The following GRB2 variants were observed in gnomAD, a reference collection of about 807,000 sequenced individuals.
GRB2 encodes the protein growth factor receptor bound protein 2.
Under a neutral mutation model 27.4 loss-of-function variants are expected in GRB2, and 2 were observed. The observed-to-expected ratio is 0.07, with a 90% CI of 0.03 to 0.23. GRB2 has a LOEUF of 0.23. Ranked by LOEUF, GRB2 falls within the 10% of genes least tolerant of loss-of-function variation. The pLI is 1.00. For missense variants in GRB2, 102 were observed against 282.4 expected, an observed-to-expected ratio of 0.36 and a Z score of 4.58; for synonymous variants, 94 against 99.6, an observed-to-expected ratio of 0.94 and a Z score of 0.33.
chr17:75,337,656 C>T (rs560402610), intron 2 of GRB2, among the ~76,000 whole-genome samples: 6 of 149,802 alleles, frequency 4.0e-5, no homozygotes, highest in East Asian at 2.0e-4. Context: ...CTGCAAGGTC[C>T]GCCTCCTAGG....
chr17:75,333,121 G>A (rs1334198725), intron 2 of GRB2, among the ~76,000 whole-genome samples: 1 of 152,036 alleles, frequency 6.6e-6, no homozygotes, highest in East Asian at 1.9e-4. Context: ...TGTCGCCCAG[G>A]CTGAAGTGCA....
chr17:75,401,227 C>T (rs1044505172), intron 1 of GRB2, among the ~76,000 whole-genome samples: 2 of 151,820 alleles, frequency 1.3e-5, no homozygotes, highest in African/African-American at 2.4e-5. Context: ...GGGTGGATCA[C>T]GAGGTCAGGA....
At chr17:75,397,873 G>C (rs1020684950) in intron 1 of GRB2, among the ~76,000 whole-genome samples, 2 of 148,360 alleles carry the variant, frequency 1.3e-5, no homozygotes, top group Non-Finnish European at 3.0e-5. Context: ...ACAGCATCTA[G>C]CTCTGTCGCC....
intron 3 of GRB2, among the ~76,000 whole-genome samples, chr17:75,329,729 C>G (rs756295261): frequency 6.6e-6 from 1 of 151,682 alleles, no homozygotes; most frequent in East Asian, 1.9e-4. Flanking sequence ...CCTGTCTCTA[C>G]GAAAAATAAA....
chr17:75,338,877 G>C, intron 2 of GRB2: 1 of 801,064 alleles, frequency 1.2e-6, no homozygotes, highest in East Asian at 2.4e-5. Context: ...AGTGTGGCAA[G>C]CATCAACCCC....
At chr17:75,373,917 C>T (rs1196603676) in intron 2 of GRB2, among the ~76,000 whole-genome samples, 2 of 150,572 alleles carry the variant, frequency 1.3e-5, no homozygotes, top group African/African-American at 4.9e-5. Flanking sequence ...CCTCAGCCTC[C>T]CGAGTAGCTG....
chr17:75,364,693 T>C (rs2078808382), intron 2 of GRB2, among the ~76,000 whole-genome samples: 1 of 152,038 alleles, frequency 6.6e-6, no homozygotes, highest in Non-Finnish European at 1.5e-5. Context: ...TCTATTAGGG[T>C]TGTCTATTTT....
At chr17:75,352,576 G>A (rs868021582) in intron 2 of GRB2, among the ~76,000 whole-genome samples, 6 of 152,124 alleles carry the variant, frequency 3.9e-5, no homozygotes, top group Non-Finnish European at 5.9e-5. Context: ...AGGCATAAAC[G>A]GTTCATTCTC....
chr17:75,330,379 T>TCAAACAAA (rs370595543), intron 3 of GRB2, among the ~76,000 whole-genome samples: 3 of 149,844 alleles, frequency 2.0e-5, no homozygotes, highest in South Asian at 2.1e-4. Flanking sequence ...AGACTCCATC[T>TCAAACAAA]CAAACAAACA....
chr17:75,390,373 T>C (rs1359364624), intron 2 of GRB2, among the ~76,000 whole-genome samples: 1 of 152,184 alleles, frequency 6.6e-6, no homozygotes, highest in East Asian at 1.9e-4. Context: ...TTATGTGCTC[T>C]AGTGTAGACT....
At chr17:75,352,977 A>G (rs1382457194) in intron 2 of GRB2, among the ~76,000 whole-genome samples, 1 of 150,642 alleles carries the variant, frequency 6.6e-6, no homozygotes, top group Non-Finnish European at 1.5e-5. Flanking sequence ...GAAGGTCAGG[A>G]GATCGAGACC....
chr17:75,372,722 A>C (rs1378659269), intron 2 of GRB2: 1 of 152,230 alleles, frequency 6.6e-6, no homozygotes, highest in Admixed American at 6.5e-5. Context: ...TTTTTAGCCT[A>C]ATATAAATTT....
intron 2 of GRB2, among the ~76,000 whole-genome samples, chr17:75,360,478 T>C (rs949755118): frequency 2.0e-5 from 3 of 152,226 alleles, no homozygotes; most frequent in South Asian, 4.1e-4. Context: ...AAGGTAATTA[T>C]CTGATTTTAG....
At chr17:75,394,271 CTT>C (rs916619428) in intron 1 of GRB2, 2 of 152,516 alleles carry the variant, frequency 1.3e-5, no homozygotes, top group African/African-American at 2.4e-5. Flanking sequence ...AAGCAAAACT[CTT>C]TGGTCTCGAG....
intron 2 of GRB2, among the ~76,000 whole-genome samples, chr17:75,334,171 ATTTAT>A (rs1365035206): frequency 6.7e-6 from 1 of 150,362 alleles, no homozygotes; most frequent in Non-Finnish European, 1.5e-5. Flanking sequence ...TTTTAGATTT[ATTTAT>A]TTATTTTTTT....
rs370390441 is a variant in GRB2 at position 75,350,823 on chromosome 17, C to T, written c.79-18026G>A. Among the ~76,000 whole-genome samples the T allele has an allele frequency of 2.0e-5, 3 of 152,234 alleles. No individual in the cohort carries two copies. The East Asian group carries it at 5.8e-4, about 29-fold the overall frequency. On this transcript the variant is annotated intron_variant, in intron 2 of 5. Coordinates refer to ENST00000316804, the MANE Select transcript of GRB2 (RefSeq NM_002086.5). Reference sequence around the variant, plus strand: ...GTGGTAATATTTGAATGGAAACCCTCAGTGTAAGTAGGCTGTAGTGAGGCT... The same window carrying T: ...GTGGTAATATTTGAATGGAAACCCTTAGTGTAAGTAGGCTGTAGTGAGGCT...
intron 3 of GRB2, among the ~76,000 whole-genome samples, chr17:75,332,426 G>A (rs2078547356): frequency 6.6e-6 from 1 of 152,108 alleles, no homozygotes; most frequent in Non-Finnish European, 1.5e-5. Flanking sequence ...CTGGCTCTAA[G>A]ACATATTTAA....
Position 75,393,600 on chromosome 17 carries a change from T to C in GRB2, c.29A>G (p.Lys10Arg), listed in dbSNP as rs778762890. 3 of 1,614,188 alleles carry C rather than the reference T, an allele frequency of 1.9e-6. No homozygotes were observed. Among genetic ancestry groups the C allele is most frequent in the South Asian group, 1.1e-5 (1 of 91,090 alleles). Residue 10 changes from lysine (K) to arginine (R), a missense_variant, in exon 2 of 6, where the codon AAA (lysine) becomes AGA (arginine). By Grantham distance (26) the Lys-to-Arg change is conservative. Transcript: ENST00000316804. MEAIAKYDF[K>R]ATADDELSFK... is the part of the protein sequence containing the mutation. ...GCTCAGCTCGTCGTCTGCAGTAGCT[T>C]TGAAGTCATATTTGGCGATGGCTTC... is the stretch of plus-strand genomic sequence containing the variant.
chr17:75,377,597 GAAAAAAAA>G (rs60003550), intron 2 of GRB2, among the ~76,000 whole-genome samples: 10 of 53,172 alleles, frequency 1.9e-4, no homozygotes, highest in Admixed American at 5.1e-4. Context: ...CCCTGTCTCA[GAAAAAAAA>G]AAAAAAAAAA....
Sources: gnomAD v4.1 joint callset for allele counts (sites outside exome capture counted in the v4.1 genomes callset) on GRCh38, gnomAD v4.1.1 for gene constraint, MANE v1.5 for transcripts, NCBI Gene and HGNC (gene_info 2026-07-23, HGNC 2026-07-21) for gene names.